The following COL2A1 variants were observed in gnomAD, a reference collection of about 807,000 sequenced individuals.
COL2A1 encodes collagen type II alpha 1 chain.
Under a neutral mutation model 204.5 loss-of-function variants are expected in COL2A1, and 28 were observed. The ratio of observed to expected loss-of-function variants is 0.14; its 90% CI spans 0.10 to 0.19. The LOEUF is 0.19. Ranked by LOEUF, COL2A1 falls within the 10% of genes least tolerant of loss-of-function variation. The probability of loss-of-function intolerance (pLI) is 1.00; values close to 1 mark genes in which losing one functional copy is unlikely to be tolerated. For synonymous variants in COL2A1, 708 were observed against 718.7 expected (o/e 0.99, Z 0.24); for missense variants, 1,388 against 2,027.5 (o/e 0.68, Z 6.06).
chr12:47,983,730 C>A lies in COL2A1; in HGVS notation c.1948G>T (p.Ala650Ser). Reference sequence around the variant, plus strand: ...GCACCCTGCTCGCCTCGTTCACCAGCAGGTCCCTGCAGTGGAAAAGAAAAG... The same window carrying A: ...GCACCCTGCTCGCCTCGTTCACCAGAAGGTCCCTGCAGTGGAAAAGAAAAG... ...AAGPPGPAGP[A>S]GERGEQGAPG... The change falls in exon 30 of 54, where the codon GCT becomes TCT. Residue 650 changes from alanine to serine, a missense_variant. Ala to Ser is a moderately conservative substitution (Grantham distance 99). Coordinates refer to ENST00000380518, the MANE Select transcript of COL2A1 (RefSeq NM_001844.5). The A allele has an allele frequency of 6.3e-7, 1 of 1,589,600 alleles. No individual in the cohort carries two copies. The highest frequency in any genetic ancestry group is 8.6e-7 in the Non-Finnish European group (1 of 1,167,782).
chr12:47,978,544 C>T lies in COL2A1; in HGVS notation c.2895+53G>A. ...CCCCATGCTCTGTGAGCTCAGAAGC[C>T]ACTCACGACCCTGCTCCCAGGGACC... On this transcript the variant is annotated intron_variant, in intron 42 of 53. Coordinates refer to ENST00000380518, the MANE Select transcript of COL2A1 (RefSeq NM_001844.5). This position sits in a 1 kb window ranked among gnomAD's most constrained non-coding sequence, Gnocchi z 5.5. 1 of 1,610,482 alleles carries T rather than the reference C, an allele frequency of 6.2e-7. No homozygotes were observed.
Position 47,976,406 on chromosome 12 carries a change from C to T in COL2A1, c.3489+108G>A, listed in dbSNP as rs1271325060. On this transcript the variant is annotated intron_variant, in intron 49 of 53. Transcript: ENST00000380518. This position sits in a 1 kb window ranked among gnomAD's most constrained non-coding sequence, Gnocchi z 4.3. ...CCTGCCCCCATTACTGAGTGAGGAC[C>T]CCTGAGCCCACAGCTTCCCCAGAAG... is the stretch of plus-strand genomic sequence containing the variant. 6.2e-6 allele frequency: 8 copies of T among 1,295,508 alleles called. No homozygotes were observed. The highest frequency in any genetic ancestry group is 8.9e-6 in the Non-Finnish European group (8 of 894,724). The allele number at this position is 1,295,508 out of a possible 1,614,324, so 80.3% of individuals were successfully genotyped here.
chr12:48,003,806 G>A (rs181090961), intron 1 of COL2A1, among the ~76,000 whole-genome samples: 1 of 152,260 alleles, frequency 6.6e-6, no homozygotes, highest in African/African-American at 2.4e-5. Context: ...TCCCTCGCTC[G>A]CGCTCTCTCT....
chr12:47,977,011 C>T lies in COL2A1; in HGVS notation c.3327+91G>A, dbSNP rs1175332944. The T allele has an allele frequency of 5.8e-6, 9 of 1,543,524 alleles. No individual in the cohort carries two copies. The East Asian group carries it at 1.2e-4, about 20-fold the overall frequency. ...CCAAGCTGAGGAATCCCCGGAAACACAGGGCTGGAGGCCCAGGAACCACCT... is the reference window on the plus strand; with the variant it reads ...CCAAGCTGAGGAATCCCCGGAAACATAGGGCTGGAGGCCCAGGAACCACCT... On this transcript the variant is annotated intron_variant, in intron 47 of 53. Coordinates refer to ENST00000380518, the MANE Select transcript of COL2A1 (RefSeq NM_001844.5).
At chr12:47,999,453 C>T (rs1940126979) in intron 2 of COL2A1, among the ~76,000 whole-genome samples, 2 of 152,172 alleles carry the variant, frequency 1.3e-5, no homozygotes, top group South Asian at 4.1e-4. Flanking sequence ...GAGCCTCTGC[C>T]CCTGCAGTCT....
At chr12:48,000,449 G>A (rs186473878) in intron 1 of COL2A1, among the ~76,000 whole-genome samples, 234 of 152,286 alleles carry the variant, frequency 1.5e-3, no homozygotes, top group Middle Eastern at 0.01. Context: ...AGGTGATGGA[G>A]TGGGTGGAGG....
intron 16 of COL2A1, among the ~76,000 whole-genome samples, 157 bp from the exon 17 acceptor site, chr12:47,989,962 T>C (rs957361142): frequency 2.0e-5 from 3 of 152,126 alleles, no homozygotes; most frequent in African/African-American, 7.2e-5. Context: ...TTTTGGTGTC[T>C]GTGCGAGTGG....
At position 47,994,339 on chromosome 12, in the gene COL2A1, T is replaced by G; in HGVS notation, c.816+85A>C. ...CTGGCGTTTCATCTCAGAAGTGACC[T>G]CATTGAACTGGATGCACTGTGTTTA... On this transcript the variant is annotated intron_variant, in intron 12 of 53. Transcript: ENST00000380518. The G allele has an allele frequency of 2.8e-6, 4 of 1,428,040 alleles. No homozygotes were observed. The South Asian group carries it at 4.7e-5, about 17-fold the overall frequency. 88.5% of individuals were successfully genotyped at this position (1,428,040 alleles called of 1,614,324 possible).
At chr12:47,986,094 TCA>T in intron 23 of COL2A1, 129 bp from the exon 24 acceptor site, 1 of 946,880 alleles carries the variant, frequency 1.1e-6, no homozygotes, top group Non-Finnish European at 1.7e-6. Context: ...TGCAGGATTC[TCA>T]GAGGTTAACT....
rs368198635 is a variant in COL2A1 at position 47,998,448 on chromosome 12, A to G, written c.293-17T>C. ...CTGGTTGCCCTGCAAGGGAAAAAATATAGAGAAGAAGAAGGTAAGAATCTT... is the reference window on the plus strand; with the variant it reads ...CTGGTTGCCCTGCAAGGGAAAAAATGTAGAGAAGAAGAAGGTAAGAATCTT... On this transcript the variant is annotated splice_polypyrimidine_tract_variant and intron_variant, in intron 2 of 53. Coordinates refer to ENST00000380518, the MANE Select transcript of COL2A1 (RefSeq NM_001844.5). 9.9e-6 allele frequency: 16 copies of G among 1,610,116 alleles called. No individual in the cohort carries two copies. The highest frequency in any genetic ancestry group is 1.6e-4 in the Middle Eastern group (1 of 6,078).
At chr12:47,998,478 T>C (rs1345464228) in intron 2 of COL2A1, 47 bp from the exon 3 acceptor site, 1 of 1,596,924 alleles carries the variant, frequency 6.3e-7, no homozygotes, top group Non-Finnish European at 8.6e-7. Flanking sequence ...AATCTTGAGA[T>C]GGAAAAATAC....
chr12:47,973,515 G>A lies in COL2A1; in HGVS notation c.4356C>T (p.Tyr1452=), dbSNP rs2136502370. 1 of 1,614,126 alleles carries A rather than the reference G, an allele frequency of 6.2e-7. No homozygotes were observed. Among genetic ancestry groups the A allele is most frequent in the Non-Finnish European group, 8.5e-7 (1 of 1,180,016 alleles). ...GGAGGCGTGAGGTCTTCTGTGACCG[G>A]TACTCGATAACAGTCTTGCCCCACT... ...TGKWGKTVIE[Y]RSQKTSRLPI... The change falls in exon 54 of 54, where the codon TAC becomes TAT. Residue 1452 remains tyrosine (Y), a synonymous_variant. Transcript: ENST00000380518.
In COL2A1 at chr12:47,981,079, G is replaced by A. The variant is rs1008163760; in HGVS notation, c.2464-111C>T. 1.6e-5 allele frequency: 19 copies of A among 1,162,954 alleles called. No individual in the cohort carries two copies. The African/African-American group carries it at 2.8e-4, about 17-fold the overall frequency. 72.0% of individuals were successfully genotyped at this position (1,162,954 alleles called of 1,614,324 possible). On this transcript the variant is annotated intron_variant, in intron 37 of 53. Coordinates refer to ENST00000380518, the MANE Select transcript of COL2A1 (RefSeq NM_001844.5). ...CCAGCCTCCTGTTCCCCAGAGACGG[G>A]GATCTGAAAGCAGCCTTAGTCCTGA... is the stretch of plus-strand genomic sequence containing the variant.
chr12:47,994,806 T>A (rs1287502370), intron 11 of COL2A1, among the ~76,000 whole-genome samples: 1 of 152,252 alleles, frequency 6.6e-6, no homozygotes, highest in East Asian at 1.9e-4. Context: ...ATGCAATTCA[T>A]AAAAATAGCA....
In COL2A1 at chr12:47,987,801, C is replaced by T; in HGVS notation, c.1123-92G>A. 1.0e-6 allele frequency: 1 copy of T among 964,718 alleles called. No individual in the cohort carries two copies. The highest frequency in any genetic ancestry group is 1.6e-6 in the Non-Finnish European group (1 of 613,948). The allele number at this position is 964,718 out of a possible 1,614,324, so 59.8% of individuals were successfully genotyped here. A position where few individuals can be genotyped will look rare whatever the true frequency, so the allele number is the denominator to read the frequency against. ...AATAGCTCAGGGCCAGCTGCAAGCA[C>T]AGCACTAAATTATGCACATGCACCC... On this transcript the variant is annotated intron_variant, in intron 18 of 53. Coordinates refer to ENST00000380518, the MANE Select transcript of COL2A1 (RefSeq NM_001844.5). This position sits in a 1 kb window ranked among gnomAD's most constrained non-coding sequence, Gnocchi z 4.1.
chr12:47,982,673 G>A lies in COL2A1; in HGVS notation c.2194-64C>T, dbSNP rs1939163242. ...ACCTCTCCCTGAACCCATGTTCATG[G>A]AGCCTGGGTAACCAGGGCCCCAAAC... On this transcript the variant is annotated intron_variant, in intron 33 of 53. Transcript: ENST00000380518. The A allele has an allele frequency of 2.9e-6, 4 of 1,359,020 alleles. No individual in the cohort carries two copies. In the East Asian group the frequency reaches 9.4e-5, roughly 32 times the overall value. 84.2% of individuals were successfully genotyped at this position (1,359,020 alleles called of 1,614,324 possible).
At chr12:47,999,605 A>G in intron 2 of COL2A1, 1 of 338,402 alleles carries the variant, frequency 3.0e-6, no homozygotes, top group African/African-American at 2.2e-5. Context: ...TAGTGGCTCT[A>G]GTAATTTGCA....
intron 50 of COL2A1, 136 bp downstream of exon 50, chr12:47,975,824 TGAG>T: frequency 1.2e-6 from 1 of 842,596 alleles, no homozygotes. Context: ...CTGTGACCTC[TGAG>T]GAGACCTCAG....
intron 51 of COL2A1, 107 bp from the exon 52 acceptor site, chr12:47,974,969 G>A: frequency 8.4e-7 from 1 of 1,190,310 alleles, no homozygotes; most frequent in Admixed American, 2.2e-5. Context: ...ACAGGGACAA[G>A]GGATGAGGTT....
Sources: allele counts gnomAD v4.1 joint callset (sites outside exome capture counted in the v4.1 genomes callset), GRCh38; gene constraint gnomAD v4.1.1; non-coding constraint Gnocchi (gnomAD v3.1); transcripts MANE v1.5; gene names NCBI Gene and HGNC (gene_info 2026-07-23, HGNC 2026-07-21).